RIN2: variants seen among roughly 807,000 people sequenced by gnomAD.
RIN2 encodes Ras and Rab interactor 2, also known as RAB5 interacting protein 2.
Under a neutral mutation model 78.0 loss-of-function variants are expected in RIN2, and 36 were observed. The observed-to-expected ratio is 0.46, with a 90% CI of 0.35 to 0.61. The LOEUF is 0.61. Among genes scored for constraint, RIN2 ranks in the 20% least tolerant of loss-of-function variants. The pLI is 0.00. For missense variants in RIN2, 1,087 were observed against 1,159.7 expected, an observed-to-expected ratio of 0.94 and a Z score of 0.91; for synonymous variants, 466 against 466.8, an observed-to-expected ratio of 1.00 and a Z score of 0.02.
At chr20:19,935,746 T>G in intron 4 of RIN2, 3 of 349,258 alleles carry the variant, frequency 8.6e-6, no homozygotes, top group Non-Finnish European at 1.2e-5. Flanking sequence ...CCTGTGCACA[T>G]ACTGCACACC....
intron 1 of RIN2, among the ~76,000 whole-genome samples, chr20:19,777,601 C>T (rs2034354762): frequency 6.6e-6 from 1 of 152,246 alleles, no homozygotes; most frequent in African/African-American, 2.4e-5. Flanking sequence ...CGGGGGCTCT[C>T]TTTCTGCAGA....
intron 3 of RIN2, among the ~76,000 whole-genome samples, chr20:19,895,270 T>C (rs2038667957): frequency 6.6e-6 from 1 of 152,238 alleles, no homozygotes; most frequent in African/African-American, 2.4e-5. Context: ...ATAAGGGATT[T>C]GTTCTTTCCA....
At chr20:19,877,151 T>C (rs1373644858) in intron 2 of RIN2, among the ~76,000 whole-genome samples, 1 of 152,166 alleles carries the variant, frequency 6.6e-6, no homozygotes, top group Non-Finnish European at 1.5e-5. Context: ...TTGCTGGAGA[T>C]GCTGTTACAA....
Position 19,764,193 on chromosome 20 carries a change from T to C in RIN2, c.-163+5866T>C, listed in dbSNP as rs1358387029. On this transcript the variant is annotated intron_variant, in intron 1 of 12. Coordinates refer to ENST00000255006, the MANE Select transcript of RIN2 (RefSeq NM_018993.4). ...AAAAAAGCTAGATTAAATAGTTAGC[T>C]AGATGAACTTTAGTTATTAAAGAAA... is the stretch of plus-strand genomic sequence containing the variant. 2.0e-5 allele frequency among the ~76,000 whole-genome samples: 3 copies of C among 152,372 alleles called. No homozygotes were observed. The East Asian group carries it at 5.8e-4, about 29-fold the overall frequency.
chr20:19,774,971 G>A (rs1435404755), intron 1 of RIN2, among the ~76,000 whole-genome samples: 3 of 152,182 alleles, frequency 2.0e-5, no homozygotes, highest in Admixed American at 1.3e-4. Context: ...GTCAAGGATG[G>A]CCCATTACTG....
chr20:19,944,788 C>T (rs2041020477), intron 4 of RIN2, among the ~76,000 whole-genome samples: 1 of 152,040 alleles, frequency 6.6e-6, no homozygotes, highest in Non-Finnish European at 1.5e-5. Flanking sequence ...CTCCTGCTTC[C>T]AGGACCTGCT....
chr20:19,796,040 AAGAAG>A (rs968511983), intron 1 of RIN2, among the ~76,000 whole-genome samples: 1 of 152,086 alleles, frequency 6.6e-6, no homozygotes, highest in South Asian at 2.1e-4. Flanking sequence ...AAAAAAAAGA[AAGAAG>A]AGAAGAGAAA....
rs185268602 is a variant in RIN2, at chr20:19,796,239, C to T, written c.-162-3383C>T. Among the ~76,000 whole-genome samples the T allele has an allele frequency of 5.1e-3, 771 of 152,242 alleles. 4 individuals are homozygous for T. Among genetic ancestry groups the T allele is most frequent in the Non-Finnish European group, 8.4e-3 (568 of 68,020 alleles). Reference sequence around the variant, plus strand: ...TAGTAAAGATTTTCAAAATGGGCCTCTATATGGACTTATTCTCAGGAATTC... The same window carrying T: ...TAGTAAAGATTTTCAAAATGGGCCTTTATATGGACTTATTCTCAGGAATTC... On this transcript the variant is annotated intron_variant, in intron 1 of 12. Transcript: ENST00000255006.
chr20:19,955,004 G>A (rs1364560057), intron 4 of RIN2, among the ~76,000 whole-genome samples: 2 of 152,110 alleles, frequency 1.3e-5, no homozygotes, highest in Admixed American at 6.5e-5. Flanking sequence ...TGATTCGCGG[G>A]TTTTAGTACC....
intron 2 of RIN2, among the ~76,000 whole-genome samples, chr20:19,820,936 T>C (rs1364878513): frequency 6.6e-6 from 1 of 152,178 alleles, no homozygotes; most frequent in Non-Finnish European, 1.5e-5. Context: ...GTTTCACATA[T>C]TTAGTAAATA....
At chr20:19,769,166 C>T (rs985701327) in intron 1 of RIN2, among the ~76,000 whole-genome samples, 15 of 151,914 alleles carry the variant, frequency 9.9e-5, no homozygotes, top group African/African-American at 3.4e-4. Context: ...AGGTGATCCA[C>T]GCGCCTTGGC....
intron 2 of RIN2, among the ~76,000 whole-genome samples, chr20:19,856,812 A>G (rs2037184394): frequency 6.6e-6 from 1 of 152,230 alleles, no homozygotes; most frequent in South Asian, 2.1e-4. Flanking sequence ...AACTAGCACC[A>G]TGAGCGAGGT....
intron 1 of RIN2, among the ~76,000 whole-genome samples, chr20:19,777,624 G>A (rs1980587): frequency 0.41 from 61,686 of 152,168 alleles, 16,144 homozygotes; most frequent in African/African-American, 0.75. Flanking sequence ...AGAGATGTTC[G>A]CCATGATTTT....
At chr20:19,877,997 G>T (rs374299945) in intron 2 of RIN2, among the ~76,000 whole-genome samples, 2 of 152,184 alleles carry the variant, frequency 1.3e-5, no homozygotes, top group African/African-American at 4.8e-5. Flanking sequence ...TCTAGTCTGG[G>T]CGACAGAGTA....
At chr20:19,859,752 T>A (rs1472412298) in intron 2 of RIN2, among the ~76,000 whole-genome samples, 2 of 152,196 alleles carry the variant, frequency 1.3e-5, no homozygotes, top group African/African-American at 2.4e-5. Context: ...CAGCTCAAAC[T>A]CAACAATTCC....
chr20:19,793,196 A>T (rs1378375702), intron 1 of RIN2, among the ~76,000 whole-genome samples: 2 of 152,216 alleles, frequency 1.3e-5, no homozygotes. Flanking sequence ...TTTTAATAAG[A>T]TATCGTATTT....
intron 2 of RIN2, among the ~76,000 whole-genome samples, chr20:19,857,525 C>T (rs2037205260): frequency 1.3e-5 from 2 of 152,142 alleles, no homozygotes; most frequent in Admixed American, 6.5e-5. Flanking sequence ...GATTATAGAG[C>T]AAGCATAGAT....
chr20:19,779,541 A>G (rs1179683069), intron 1 of RIN2, among the ~76,000 whole-genome samples: 1 of 152,172 alleles, frequency 6.6e-6, no homozygotes, highest in African/African-American at 2.4e-5. Context: ...CTGGGATTTG[A>G]ATAAGAAATG....
At chr20:19,802,230 T>A (rs557099133) in intron 2 of RIN2, among the ~76,000 whole-genome samples, 1 of 152,248 alleles carries the variant, frequency 6.6e-6, no homozygotes, top group East Asian at 1.9e-4. Context: ...ATCACCCAGT[T>A]AGGCAGTATC....
Sources: gnomAD v4.1 joint callset for allele counts (sites outside exome capture counted in the v4.1 genomes callset) on GRCh38, gnomAD v4.1.1 for gene constraint, MANE v1.5 for transcripts, NCBI Gene and HGNC (gene_info 2026-07-23, HGNC 2026-07-21) for gene names.